The following RAD54L2 variants were observed in gnomAD, a reference collection of about 807,000 sequenced individuals.
RAD54L2 encodes RAD54 like 2.
Under a neutral mutation model 138.4 loss-of-function variants are expected in RAD54L2, and 27 were observed. The ratio of observed to expected loss-of-function variants is 0.20; its 90% CI spans 0.14 to 0.27. The LOEUF (loss-of-function observed/expected upper bound fraction) is 0.27, where lower values mean the gene tolerates loss of function less well. RAD54L2 is among the 10% of genes least tolerant of loss of function. The pLI is 1.00. For synonymous variants in RAD54L2, 644 were observed against 723.2 expected, an observed-to-expected ratio of 0.89 and a Z score of 1.76; for missense variants, 1,396 against 1,890.2, an observed-to-expected ratio of 0.74 and a Z score of 4.85.
intron 12 of RAD54L2, 47 bp from the exon 13 acceptor site, chr3:51,639,372 G>T: frequency 6.2e-7 from 1 of 1,603,432 alleles, no homozygotes; most frequent in South Asian, 1.1e-5. Context: ...GGACACCCTT[G>T]GAATGTTTTT....
intron 2 of RAD54L2, among the ~76,000 whole-genome samples, chr3:51,575,389 G>A (rs1370525524): frequency 6.6e-6 from 1 of 152,158 alleles, no homozygotes; most frequent in African/African-American, 2.4e-5. Flanking sequence ...TGTGAAGAAA[G>A]TCATTGGTAG....
rs775889096 is a variant in RAD54L2, at chr3:51,638,616, G to A, written c.1860+295G>A. 22 of 307,816 alleles carry A rather than the reference G, an allele frequency of 7.1e-5. No individual in the cohort carries two copies. Among genetic ancestry groups the A allele is most frequent in the Non-Finnish European group, 1.2e-4 (20 of 166,824 alleles). 19.1% of individuals were successfully genotyped at this position (307,816 alleles called of 1,614,324 possible). ...TAATGGAAAAATACTGTGGGGCAGCGTTTTTGACTGCTAGCATAATCAGAA... is the reference window on the plus strand; with the variant it reads ...TAATGGAAAAATACTGTGGGGCAGCATTTTTGACTGCTAGCATAATCAGAA... On this transcript the variant is annotated intron_variant, in intron 12 of 22. Coordinates refer to ENST00000684192, the MANE Select transcript of RAD54L2 (RefSeq NM_015106.4). The surrounding 1 kb of genome is among the most constrained non-coding windows in gnomAD (Gnocchi z 4.3).
chr3:51,584,189 A>G (rs975851615), intron 2 of RAD54L2, among the ~76,000 whole-genome samples: 3 of 152,166 alleles, frequency 2.0e-5, no homozygotes, highest in African/African-American at 7.2e-5. Flanking sequence ...GTGCTATGCT[A>G]GGTTCTGATT....
At chr3:51,570,878 A>G (rs1048200661) in intron 2 of RAD54L2, among the ~76,000 whole-genome samples, 3 of 151,436 alleles carry the variant, frequency 2.0e-5, no homozygotes, top group Non-Finnish European at 2.9e-5. Flanking sequence ...GTGGAGTGCA[A>G]TGGCATGATC....
Position 51,557,811 on chromosome 3 carries a change from C to A in RAD54L2, c.-55+16161C>A, listed in dbSNP as rs931341678. Among the ~76,000 whole-genome samples the A allele has an allele frequency of 1.1e-4, 9 of 81,578 alleles. No individual in the cohort carries two copies. In the South Asian group the frequency reaches 1.2e-3, roughly 11 times the overall value. The allele number at this position is 81,578 out of a possible 152,430, so 53.5% of individuals were successfully genotyped here. A position where few individuals can be genotyped will look rare whatever the true frequency, so the allele number is the denominator to read the frequency against. ...CGCCACTGCACTTCAGCCTGGGTAA[C>A]AAGAGGGAAACTCCATCTCAAAAAA... is the stretch of plus-strand genomic sequence containing the variant. On this transcript the variant is annotated intron_variant, in intron 2 of 22. Transcript: ENST00000684192.
chr3:51,634,525 A>G (rs1269476518), intron 9 of RAD54L2, among the ~76,000 whole-genome samples: 1 of 151,980 alleles, frequency 6.6e-6, no homozygotes, highest in Non-Finnish European at 1.5e-5. Context: ...ACCCATCACC[A>G]TGTCCGACTA....
chr3:51,573,803 T>C (rs1319130436), intron 2 of RAD54L2, among the ~76,000 whole-genome samples: 2 of 152,184 alleles, frequency 1.3e-5, no homozygotes, highest in African/African-American at 4.8e-5. Flanking sequence ...AAAGAAATTT[T>C]TATTTTCTTC....
chr3:51,587,335 C>G (rs1699732077), intron 2 of RAD54L2, among the ~76,000 whole-genome samples: 1 of 152,100 alleles, frequency 6.6e-6, no homozygotes. Flanking sequence ...ATCTCCTGAC[C>G]TCGTGATCCG....
chr3:51,627,876 G>A (rs2106791942), intron 4 of RAD54L2, 122 bp downstream of exon 4: 3 of 1,104,940 alleles, frequency 2.7e-6, no homozygotes, highest in South Asian at 1.5e-5. Flanking sequence ...GGAGAAAAGT[G>A]TCAGGTGTGT....
chr3:51,561,150 C>G (rs1699087814), intron 2 of RAD54L2, among the ~76,000 whole-genome samples: 2 of 152,220 alleles, frequency 1.3e-5, no homozygotes, highest in Non-Finnish European at 2.9e-5. Context: ...TTCTACTCTT[C>G]TCCCATACTT....
chr3:51,660,151 CAAACAACA>C, intron 22 of RAD54L2, 33 bp downstream of exon 22: 1 of 1,533,100 alleles, frequency 6.5e-7, no homozygotes, highest in Non-Finnish European at 8.9e-7. Flanking sequence ...TTTTACTTTT[CAAACAACA>C]TTTGTTTGCT....
At chr3:51,633,872 A>G in intron 8 of RAD54L2, 30 bp from the exon 9 acceptor site, 1 of 1,607,750 alleles carries the variant, frequency 6.2e-7, no homozygotes. Context: ...GTTCCATAAA[A>G]CTCTCTTTTT....
At chr3:51,581,660 G>T (rs1019274668) in intron 2 of RAD54L2, among the ~76,000 whole-genome samples, 2 of 152,186 alleles carry the variant, frequency 1.3e-5, no homozygotes, top group African/African-American at 4.8e-5. Context: ...CTCAGGAGAG[G>T]GAGGATCCTC....
intron 19 of RAD54L2, among the ~76,000 whole-genome samples, chr3:51,648,161 G>C (rs1459457063): frequency 1.3e-5 from 2 of 152,220 alleles, no homozygotes; most frequent in Non-Finnish European, 2.9e-5. Context: ...ACCTGTCTCA[G>C]TGGGTCCCAC....
chr3:51,574,883 G>T (rs1699430281), intron 2 of RAD54L2, among the ~76,000 whole-genome samples: 1 of 152,130 alleles, frequency 6.6e-6, no homozygotes, highest in African/African-American at 2.4e-5. Flanking sequence ...GGCTTTTGTT[G>T]CCATTGATTT....
intron 3 of RAD54L2, among the ~76,000 whole-genome samples, chr3:51,595,773 A>T (rs942310019): frequency 2.0e-5 from 3 of 151,834 alleles, no homozygotes; most frequent in Non-Finnish European, 2.9e-5. Context: ...TTTTCTCCTG[A>T]TATCTGTCCT....
At position 51,660,755 on chromosome 3, in the gene RAD54L2, G is replaced by T. The variant is rs186460777; in HGVS notation, c.3409+637G>T. On this transcript the variant is annotated intron_variant, in intron 22 of 22. Coordinates refer to ENST00000684192, the MANE Select transcript of RAD54L2 (RefSeq NM_015106.4). ...TCCCGCCTCAGCCTCCTGAGTAGCTGAGATTACAGAAGCATGCCACCACGC... is the reference window on the plus strand; with the variant it reads ...TCCCGCCTCAGCCTCCTGAGTAGCTTAGATTACAGAAGCATGCCACCACGC... Among the ~76,000 whole-genome samples, 8 of 151,944 alleles carry T rather than the reference G, an allele frequency of 5.3e-5. No individual in the cohort carries two copies. In the East Asian group the frequency reaches 1.5e-3, roughly 29 times the overall value.
intron 19 of RAD54L2, among the ~76,000 whole-genome samples, chr3:51,653,109 A>C (rs1372557073): frequency 6.6e-6 from 1 of 152,246 alleles, no homozygotes; most frequent in African/African-American, 2.4e-5. Context: ...CCCATCAAAA[A>C]GTGGTTAAAG....
chr3:51,556,080 A>G (rs920253554), intron 2 of RAD54L2, among the ~76,000 whole-genome samples: 2 of 152,078 alleles, frequency 1.3e-5, no homozygotes, highest in African/African-American at 4.8e-5. Context: ...ATCCTTTGTA[A>G]GGTCCTCCTA....
Sources: allele counts gnomAD v4.1 joint callset (sites outside exome capture counted in the v4.1 genomes callset), GRCh38; gene constraint gnomAD v4.1.1; non-coding constraint Gnocchi (gnomAD v3.1); transcripts MANE v1.5; gene names NCBI Gene and HGNC (gene_info 2026-07-23, HGNC 2026-07-21).